Variants in MAMDC2 observed in about 807,000 individuals in gnomAD.
MAMDC2 encodes MAM domain containing 2, also known as MAM domain-containing protein 2.
A neutral mutation model predicts 89.8 loss-of-function variants in MAMDC2; 57 were observed. The ratio of observed to expected loss-of-function variants is 0.63; its 90% CI spans 0.51 to 0.79. MAMDC2 has a LOEUF of 0.79. MAMDC2 is among the 30% of genes least tolerant of loss of function. The pLI is 0.00. For synonymous variants in MAMDC2, 313 were observed against 293.4 expected (o/e 1.07, Z -0.68); for missense variants, 800 against 820.6 (o/e 0.97, Z 0.31).
At chr9:70,213,759 G>GTGTT in intron 11 of MAMDC2, among the ~76,000 whole-genome samples, 1 of 135,434 alleles carries the variant, frequency 7.4e-6, no homozygotes, top group Non-Finnish European at 1.6e-5. Context: ...CTCAAAGAAA[G>GTGTT]AATTATGTGT....
At chr9:70,142,814 G>A (rs1389035476) in intron 8 of MAMDC2, among the ~76,000 whole-genome samples, 1 of 152,014 alleles carries the variant, frequency 6.6e-6, no homozygotes, top group Admixed American at 6.6e-5. Context: ...ACAGGAGGAG[G>A]AGCAGAAAAA....
chr9:70,050,874 G>A (rs1347953299), intron 2 of MAMDC2, among the ~76,000 whole-genome samples: 2 of 152,142 alleles, frequency 1.3e-5, no homozygotes, highest in Non-Finnish European at 2.9e-5. Context: ...AACAAGGTGT[G>A]GATATAAAGT....
At chr9:70,143,865 C>T (rs1278337663) in intron 9 of MAMDC2, 46 bp downstream of exon 9, 1 of 1,596,830 alleles carries the variant, frequency 6.3e-7, no homozygotes, top group Non-Finnish European at 8.5e-7. Flanking sequence ...AGTTGCTGGA[C>T]TAGTTTTGTG....
intron 9 of MAMDC2, among the ~76,000 whole-genome samples, chr9:70,146,238 C>T (rs1035591874): frequency 3.9e-5 from 6 of 152,170 alleles, no homozygotes; most frequent in Admixed American, 1.3e-4. Flanking sequence ...ACTACCAAGC[C>T]GCCCAGCAAC....
intron 11 of MAMDC2, chr9:70,217,558 T>C: frequency 6.3e-7 from 1 of 1,593,152 alleles, no homozygotes; most frequent in Non-Finnish European, 8.6e-7. Flanking sequence ...TAAGCAAGCA[T>C]CTAAAAAGAC....
intron 5 of MAMDC2, among the ~76,000 whole-genome samples, chr9:70,121,455 T>G (rs1313033677): frequency 4.6e-5 from 7 of 152,172 alleles, no homozygotes; most frequent in African/African-American, 2.4e-5. Flanking sequence ...CAGAATTAGG[T>G]AATAATAGAT....
At chr9:70,175,719 C>G (rs2032477651) in intron 11 of MAMDC2, 1 of 152,154 alleles carries the variant, frequency 6.6e-6, no homozygotes, top group Admixed American at 6.5e-5. Flanking sequence ...ATATCCCAGA[C>G]TGGGTGGCTT....
At chr9:70,045,593 G>C (rs1006832096) in intron 2 of MAMDC2, among the ~76,000 whole-genome samples, 4 of 152,062 alleles carry the variant, frequency 2.6e-5, no homozygotes, top group African/African-American at 9.7e-5. Flanking sequence ...TCCTCAGGCC[G>C]CAGATCCTCC....
At chr9:70,112,149 C>T (rs932750976) in intron 4 of MAMDC2, among the ~76,000 whole-genome samples, 3 of 152,194 alleles carry the variant, frequency 2.0e-5, no homozygotes, top group Non-Finnish European at 4.4e-5. Flanking sequence ...CAACGTGGAT[C>T]CGCAGGGGGC....
At chr9:70,116,300 G>A (rs1339827397) in intron 5 of MAMDC2, among the ~76,000 whole-genome samples, 2 of 152,176 alleles carry the variant, frequency 1.3e-5, no homozygotes, top group Non-Finnish European at 2.9e-5. Context: ...ATTTGCTTGT[G>A]TTACCTGAGT....
chr9:70,130,543 G>A (rs2030760486), intron 6 of MAMDC2, among the ~76,000 whole-genome samples: 1 of 152,126 alleles, frequency 6.6e-6, no homozygotes, highest in South Asian at 2.1e-4. Flanking sequence ...GGCAGAAGGT[G>A]GTTGACTGAG....
chr9:70,172,822 A>T (rs1349009468), intron 11 of MAMDC2: 1 of 153,136 alleles, frequency 6.5e-6, no homozygotes, highest in East Asian at 1.9e-4. Flanking sequence ...CACTTTCAGC[A>T]TTGAGTGAAG....
intron 11 of MAMDC2, among the ~76,000 whole-genome samples, chr9:70,212,086 TGAG>T (rs1419741020): frequency 1.3e-5 from 2 of 152,254 alleles, no homozygotes; most frequent in Non-Finnish European, 2.9e-5. Flanking sequence ...GGGACCCACT[TGAG>T]GAGGCAGTCT....
chr9:70,053,885 T>C (rs2117996755), intron 2 of MAMDC2, among the ~76,000 whole-genome samples: 1 of 152,126 alleles, frequency 6.6e-6, no homozygotes, highest in Non-Finnish European at 1.5e-5. Flanking sequence ...AGGGCCTGAA[T>C]TAGGGCAGGG....
chr9:70,137,625 T>C (rs1003064553), intron 7 of MAMDC2, among the ~76,000 whole-genome samples: 2 of 152,158 alleles, frequency 1.3e-5, no homozygotes, highest in African/African-American at 2.4e-5. Context: ...AATTGACAAA[T>C]TGAGAATATA....
At position 70,211,520 on chromosome 9, in the gene MAMDC2, C is replaced by T. The variant is rs200086142; in HGVS notation, c.1652-6817C>T. Among the ~76,000 whole-genome samples the T allele has an allele frequency of 6.6e-5, 10 of 152,270 alleles. No homozygotes were observed. In the East Asian group the frequency reaches 1.9e-3, roughly 29 times the overall value. ...CTCTATACTGTTTATTCTAGTTAGC[C>T]ATTCATCTAATCTTTTTTCAAGGTT... On this transcript the variant is annotated intron_variant, in intron 11 of 13. Transcript: ENST00000377182.
At chr9:70,198,949 C>A (rs944314609) in intron 11 of MAMDC2, among the ~76,000 whole-genome samples, 6 of 152,082 alleles carry the variant, frequency 3.9e-5, no homozygotes, top group Admixed American at 6.6e-5. Flanking sequence ...GATATTCAGA[C>A]ATGTAGGAAT....
Position 70,145,832 on chromosome 9 carries a change from A to G in MAMDC2, c.1404+2013A>G, listed in dbSNP as rs139098715. ...GAATATAAAAATGAATGAGGCTCAG[A>G]TCCTACCCTTGAAGAAGAAGAGATC... is the stretch of plus-strand genomic sequence containing the variant. On this transcript the variant is annotated intron_variant, in intron 9 of 13. Coordinates refer to ENST00000377182, the MANE Select transcript of MAMDC2 (RefSeq NM_153267.5). 4.1e-3 allele frequency among the ~76,000 whole-genome samples: 622 copies of G among 152,266 alleles called. 6 individuals are homozygous for G. The highest frequency in any genetic ancestry group is 0.014 in the African/African-American group (589 of 41,542).
At chr9:70,118,329 C>CAG (rs1563962383) in intron 5 of MAMDC2, among the ~76,000 whole-genome samples, 1 of 70,142 alleles carries the variant, frequency 1.4e-5, no homozygotes, top group African/African-American at 3.6e-5. Context: ...CACACACACA[C>CAG]ACACACACAC....
Sources: allele counts gnomAD v4.1 joint callset (sites outside exome capture counted in the v4.1 genomes callset), GRCh38; gene constraint gnomAD v4.1.1; transcripts MANE v1.5; gene names NCBI Gene and HGNC (gene_info 2026-07-23, HGNC 2026-07-21).